Variants in VEZT observed in about 807,000 individuals in gnomAD.
VEZT encodes vezatin, adherens junctions transmembrane protein.
VEZT carries 39 observed loss-of-function variants against 79.9 expected under a neutral mutation model. The observed-to-expected ratio is 0.49, with a 90% CI of 0.38 to 0.64. The LOEUF is 0.64. VEZT is among the 30% of genes least tolerant of loss of function. VEZT has a pLI of 0.00. For synonymous variants in VEZT, 325 were observed against 327.6 expected (o/e 0.99, Z 0.09); for missense variants, 837 against 893.1 (o/e 0.94, Z 0.80).
chr12:95,290,164 A>G (rs1199187120), intron 9 of VEZT, among the ~76,000 whole-genome samples: 2 of 152,200 alleles, frequency 1.3e-5, no homozygotes, highest in African/African-American at 2.4e-5. Context: ...TTCAGTTGTC[A>G]TGCTCTTTAT....
Position 95,294,302 on chromosome 12 carries a change from A to T in VEZT, c.1553A>T (p.His518Leu), listed in dbSNP as rs769100694. Residue 518 changes from histidine to leucine, a missense_variant, in exon 10 of 12, where the codon CAT becomes CTT. By Grantham distance (99) the His-to-Leu change is moderately conservative. Coordinates refer to ENST00000436874, the MANE Select transcript of VEZT (RefSeq NM_017599.4). Reference protein sequence around the residue: ...GKPEIACENPHCTVVPLKQPT... With the variant: ...GKPEIACENPLCTVVPLKQPT... ...CCTGAAATAGCATGTGAAAACCCAC[A>T]TTGTACAGTAGTACCTTTGAAGCAG... 3 of 1,592,802 alleles carry T rather than the reference A, an allele frequency of 1.9e-6. No individual in the cohort carries two copies. In the South Asian group the frequency reaches 3.4e-5, roughly 18 times the overall value.
Position 95,257,251 on chromosome 12 carries a change from C to A in VEZT, c.258+12C>A. On this transcript the variant is annotated intron_variant, in intron 3 of 11. Coordinates refer to ENST00000436874, the MANE Select transcript of VEZT (RefSeq NM_017599.4). ...TACTTCACAAGTTGGTAAGTGGTCA[C>A]TTCTTTTTGCCACTTTTCAGGGTTC... 6.3e-7 allele frequency: 1 copy of A among 1,582,066 alleles called. No homozygotes were observed. Among genetic ancestry groups the A allele is most frequent in the Non-Finnish European group, 8.6e-7 (1 of 1,159,684 alleles).
chr12:95,285,930 T>C (rs2070660183), intron 8 of VEZT, among the ~76,000 whole-genome samples: 1 of 151,604 alleles, frequency 6.6e-6, no homozygotes, highest in East Asian at 1.9e-4. Context: ...TAGAGTGTAG[T>C]TATTTTGTCA....
intron 8 of VEZT, among the ~76,000 whole-genome samples, chr12:95,283,157 A>T (rs1005549145): frequency 6.6e-6 from 1 of 152,196 alleles, no homozygotes; most frequent in Non-Finnish European, 1.5e-5. Context: ...CAAAATGTAG[A>T]GTCTAGAGTT....
At chr12:95,239,948 A>AAGAGAGAGAGAG (rs140000740) in intron 1 of VEZT, among the ~76,000 whole-genome samples, 7 of 119,876 alleles carry the variant, frequency 5.8e-5, no homozygotes, top group Non-Finnish European at 6.8e-5. Flanking sequence ...GGAGACTCGA[A>AAGAGAGAGAGAG]AGAGAGAGAG....
At chr12:95,294,423 G>T in intron 10 of VEZT, 51 bp downstream of exon 10, 1 of 1,397,770 alleles carries the variant, frequency 7.2e-7, no homozygotes, top group South Asian at 1.2e-5. Context: ...TGTTTCTAAT[G>T]AGCTTCAAAA....
chr12:95,277,940 G>C (rs1004008984), intron 7 of VEZT, among the ~76,000 whole-genome samples: 3 of 152,182 alleles, frequency 2.0e-5, no homozygotes, highest in African/African-American at 7.2e-5. Context: ...TCTTTATGCT[G>C]TTGATGTACT....
chr12:95,270,540 T>C (rs975655356), intron 6 of VEZT, among the ~76,000 whole-genome samples: 14 of 152,214 alleles, frequency 9.2e-5, no homozygotes, highest in African/African-American at 3.4e-4. Flanking sequence ...GTTAATAAAC[T>C]GGCAACTGGA....
chr12:95,298,726 TA>T (rs1335799378), intron 11 of VEZT: 2 of 152,222 alleles, frequency 1.3e-5, no homozygotes, highest in Non-Finnish European at 2.9e-5. Context: ...CCCATTTAAT[TA>T]GTAATAATTG....
intron 7 of VEZT, among the ~76,000 whole-genome samples, chr12:95,281,793 G>T (rs540909969): frequency 6.6e-6 from 1 of 151,948 alleles, no homozygotes; most frequent in African/African-American, 2.4e-5. Context: ...TGATCCATCC[G>T]CCTTCACCTC....
At chr12:95,284,835 A>G (rs2070193980) in intron 8 of VEZT, among the ~76,000 whole-genome samples, 1 of 152,158 alleles carries the variant, frequency 6.6e-6, no homozygotes, top group Admixed American at 6.5e-5. Context: ...ATTAGCATGT[A>G]CACAATATTC....
chr12:95,230,294 A>G (rs1425079636), intron 1 of VEZT, among the ~76,000 whole-genome samples: 1 of 152,134 alleles, frequency 6.6e-6, no homozygotes, highest in Admixed American at 6.5e-5. Flanking sequence ...ATTGTAATTT[A>G]TGTAGTTGAC....
intron 6 of VEZT, among the ~76,000 whole-genome samples, chr12:95,271,759 A>T (rs2066648101): frequency 6.6e-6 from 1 of 152,218 alleles, no homozygotes; most frequent in Non-Finnish European, 1.5e-5. Flanking sequence ...GGGTTAGCCT[A>T]TCAAAGACTA....
intron 8 of VEZT, among the ~76,000 whole-genome samples, chr12:95,285,762 A>T (rs2070594542): frequency 6.6e-6 from 1 of 152,170 alleles, no homozygotes; most frequent in African/African-American, 2.4e-5. Flanking sequence ...CTAATTATTT[A>T]TGATATTGTA....
chr12:95,277,818 C>A (rs1245252650), intron 7 of VEZT, among the ~76,000 whole-genome samples: 2 of 152,136 alleles, frequency 1.3e-5, no homozygotes, highest in Admixed American at 6.5e-5. Context: ...TGGGTACCCC[C>A]AAATGGTAAT....
At chr12:95,227,908 G>T (rs1012997761) in intron 1 of VEZT, among the ~76,000 whole-genome samples, 2 of 152,090 alleles carry the variant, frequency 1.3e-5, no homozygotes, top group African/African-American at 4.8e-5. Context: ...CCATTCCTTT[G>T]TAACTTTCTT....
chr12:95,236,207 G>T (rs890965575), intron 1 of VEZT, among the ~76,000 whole-genome samples: 1 of 152,174 alleles, frequency 6.6e-6, no homozygotes. Context: ...GATCACTCGC[G>T]GTTAGGAGCT....
At chr12:95,260,381 C>G (rs979193450) in intron 3 of VEZT, among the ~76,000 whole-genome samples, 1 of 152,128 alleles carries the variant, frequency 6.6e-6, no homozygotes, top group Non-Finnish European at 1.5e-5. Context: ...GCTGGGATTA[C>G]AGGGGTGAAC....
At chr12:95,223,031 T>C (rs1355539668) in intron 1 of VEZT, among the ~76,000 whole-genome samples, 2 of 152,230 alleles carry the variant, frequency 1.3e-5, no homozygotes, top group Non-Finnish European at 2.9e-5. Context: ...GGCAGTGTAA[T>C]ATAGTTAAAG....
Sources: allele counts gnomAD v4.1 joint callset (sites outside exome capture counted in the v4.1 genomes callset), GRCh38; gene constraint gnomAD v4.1.1; transcripts MANE v1.5; gene names NCBI Gene and HGNC (gene_info 2026-07-23, HGNC 2026-07-21).